The following TMEM106B variants were observed in gnomAD, a reference collection of about 807,000 sequenced individuals.
TMEM106B encodes transmembrane protein 106B.
A neutral mutation model predicts 31.1 loss-of-function variants in TMEM106B; 15 were observed. The ratio of observed to expected loss-of-function variants is 0.48; its 90% CI spans 0.32 to 0.74. The LOEUF is 0.74. Among genes scored for constraint, TMEM106B ranks in the 30% least tolerant of loss-of-function variants. The pLI is 0.03. For synonymous variants in TMEM106B, 126 were observed against 112.5 expected (o/e 1.12, Z -0.76); for missense variants, 283 against 327.3 (o/e 0.86, Z 1.04).
At chr7:12,226,243 G>A (rs1781899099) in intron 4 of TMEM106B, among the ~76,000 whole-genome samples, 1 of 152,054 alleles carries the variant, frequency 6.6e-6, no homozygotes, top group African/African-American at 2.4e-5. Flanking sequence ...CTCTGTTTTG[G>A]TACCAGTACC....
At chr7:12,212,627 T>C (rs1030461960) in intron 1 of TMEM106B, among the ~76,000 whole-genome samples, 1 of 152,170 alleles carries the variant, frequency 6.6e-6, no homozygotes, top group Non-Finnish European at 1.5e-5. Context: ...TTTTTTATCT[T>C]TGTATTTATT....
intron 3 of TMEM106B, among the ~76,000 whole-genome samples, chr7:12,223,946 C>T (rs1781842499): frequency 6.6e-6 from 1 of 152,010 alleles, no homozygotes. Context: ...GTCTCGAACT[C>T]CTGACCTCTT....
At chr7:12,218,795 C>T (rs1051952910) in intron 3 of TMEM106B, among the ~76,000 whole-genome samples, 1 of 151,908 alleles carries the variant, frequency 6.6e-6, no homozygotes, top group African/African-American at 2.4e-5. Context: ...ATAAAATTTT[C>T]ATTAAAAATT....
At chr7:12,222,517 A>G (rs1370382781) in intron 3 of TMEM106B, among the ~76,000 whole-genome samples, 1 of 152,236 alleles carries the variant, frequency 6.6e-6, no homozygotes, top group African/African-American at 2.4e-5. Context: ...CCCATAAGTA[A>G]TTAAAAATAA....
In TMEM106B at chr7:12,224,317, T is replaced by TA. The variant is rs1421174513; in HGVS notation, c.374dup (p.Tyr125Ter). 2 of 1,614,096 alleles carry TA rather than the reference T, an allele frequency of 1.2e-6. No individual in the cohort carries two copies. The highest frequency in any genetic ancestry group is 1.7e-6 in the Non-Finnish European group (2 of 1,179,968). Residue 125 changes from tyrosine (Y) to a stop codon, truncating the protein, a stop_gained and frameshift_variant, in exon 4 of 8, where the codon TAC becomes TAAC. Coordinates refer to ENST00000396668, the MANE Select transcript of TMEM106B (RefSeq NM_001134232.2). LOFTEE classifies it high-confidence loss of function. ...FLFPRSIDVKYIGVKSAYVSY... is the reference protein window; with the variant it reads ...FLFPRSIDVK The stretch of plus-strand genomic sequence containing the variant: ...TTTCCCTCGCTCTATCGACGTGAAA[T>TA]ACATTGGTGTAAAATCAGCCTATGT...
chr7:12,230,473 A>C lies in TMEM106B; in HGVS notation c.632+35A>C, dbSNP rs747696215. On this transcript the variant is annotated intron_variant, in intron 6 of 7. Coordinates refer to ENST00000396668, the MANE Select transcript of TMEM106B (RefSeq NM_001134232.2). ...GATTTATAATAACTTTTTATTGTCA[A>C]ATAATGAAGTGTATAAAATAAAGTA... is the stretch of plus-strand genomic sequence containing the variant. 2.2e-6 allele frequency: 3 copies of C among 1,335,626 alleles called. No homozygotes were observed. The African/African-American group carries it at 4.4e-5, about 20-fold the overall frequency. The allele number at this position is 1,335,626 out of a possible 1,614,324, so 82.7% of individuals were successfully genotyped here. A position where few individuals can be genotyped will look rare whatever the true frequency, so the allele number is the denominator to read the frequency against.
Position 12,229,905 on chromosome 7 carries a change from C to T in TMEM106B, c.582+86C>T, listed in dbSNP as rs1781982455. 27 of 1,403,728 alleles carry T rather than the reference C, an allele frequency of 1.9e-5. No homozygotes were observed. The South Asian group carries it at 3.6e-4, about 19-fold the overall frequency. 87.0% of individuals were successfully genotyped at this position (1,403,728 alleles called of 1,614,324 possible). ...ATAACTTGAAGGAGGTGGGGGATTT[C>T]CTCAAAAACTTGATTTAGAAATGTG... On this transcript the variant is annotated intron_variant, in intron 5 of 7. Transcript: ENST00000396668.
At chr7:12,231,805 T>G in intron 7 of TMEM106B, 32 bp from the exon 8 acceptor site, 1 of 1,554,340 alleles carries the variant, frequency 6.4e-7, no homozygotes, top group Non-Finnish European at 8.8e-7. Context: ...ATATAACTAT[T>G]AAATGTCTCT....
rs558627112 is a variant in TMEM106B at position 12,212,798 on chromosome 7, C to T, written c.-3+1373C>T. Among the ~76,000 whole-genome samples the T allele has an allele frequency of 3.9e-5, 6 of 152,238 alleles. No individual in the cohort carries two copies. In the East Asian group the frequency reaches 1.2e-3, roughly 29 times the overall value. ...CAGTTCTAGAAAGTAAAATTTTCTTCATACTCTAGGATGAACTGACTTACT... is the reference window on the plus strand; with the variant it reads ...CAGTTCTAGAAAGTAAAATTTTCTTTATACTCTAGGATGAACTGACTTACT... On this transcript the variant is annotated intron_variant, in intron 1 of 7. Coordinates refer to ENST00000396668, the MANE Select transcript of TMEM106B (RefSeq NM_001134232.2).
intron 4 of TMEM106B, among the ~76,000 whole-genome samples, chr7:12,228,177 A>G (rs1455385652): frequency 1.3e-5 from 2 of 151,916 alleles, no homozygotes; most frequent in Non-Finnish European, 2.9e-5. Context: ...ATTTGTGACT[A>G]TACCAATGTA....
At chr7:12,224,418 T>C (rs1438932289) in intron 4 of TMEM106B, 33 bp downstream of exon 4, 1 of 1,561,262 alleles carries the variant, frequency 6.4e-7, no homozygotes, top group Non-Finnish European at 8.8e-7. Context: ...AATGTTTAAC[T>C]TCATTCTTTT....
rs1782094737 is a variant in TMEM106B, at chr7:12,234,685, T to C, written c.*2710T>C. On this transcript the variant is annotated 3_prime_UTR_variant, in exon 8 of 8. Transcript: ENST00000396668. ...TAAAGATATGTTACAGAAATTTTTC[T>C]GATACTTCCTGGAATAACTTTAAGT... The C allele has an allele frequency of 2.0e-5, 3 of 151,948 alleles. No homozygotes were observed. Among genetic ancestry groups the C allele is most frequent in the African/African-American group, 7.2e-5 (3 of 41,426 alleles). The allele number at this position is 151,948 out of a possible 1,614,324, so 9.4% of individuals were successfully genotyped here. A position where few individuals can be genotyped will look rare whatever the true frequency, so the allele number is the denominator to read the frequency against.
Position 12,224,154 on chromosome 7 carries a change from C to T in TMEM106B, c.282-72C>T, listed in dbSNP as rs1781846788. 7 of 1,407,402 alleles carry T rather than the reference C, an allele frequency of 5.0e-6. No homozygotes were observed. The African/African-American group carries it at 1.0e-4, about 20-fold the overall frequency. 87.2% of individuals were successfully genotyped at this position (1,407,402 alleles called of 1,614,324 possible). A position where few individuals can be genotyped will look rare whatever the true frequency, so the allele number is the denominator to read the frequency against. ...CTGCTGATATATGGGGGAAATTGAA[C>T]ATACCTTCTCTAATGTTGTGTTATA... is the stretch of plus-strand genomic sequence containing the variant. On this transcript the variant is annotated intron_variant, in intron 3 of 7. Coordinates refer to ENST00000396668, the MANE Select transcript of TMEM106B (RefSeq NM_001134232.2).
At position 12,211,314 on chromosome 7, in the gene TMEM106B, C is replaced by T. The variant is rs959759408; in HGVS notation, c.-114C>T. On this transcript the variant is annotated 5_prime_UTR_variant, in exon 1 of 8. Coordinates refer to ENST00000396668, the MANE Select transcript of TMEM106B (RefSeq NM_001134232.2). ...GTCCCAGCTCTACGGCGGCCGCGCGCTCCAGGCCGGTCGCTCCACCCCCCG... is the reference window on the plus strand; with the variant it reads ...GTCCCAGCTCTACGGCGGCCGCGCGTTCCAGGCCGGTCGCTCCACCCCCCG... 1 of 152,554 alleles carries T rather than the reference C, an allele frequency of 6.6e-6. No homozygotes were observed. The highest frequency in any genetic ancestry group is 2.4e-5 in the African/African-American group (1 of 41,480). The allele number at this position is 152,554 out of a possible 1,614,324, so 9.5% of individuals were successfully genotyped here.
Position 12,230,375 on chromosome 7 carries a change from C to T in TMEM106B, c.583-14C>T, listed in dbSNP as rs374151535. 3.0e-5 allele frequency: 48 copies of T among 1,589,170 alleles called. No individual in the cohort carries two copies. In the African/African-American group the frequency reaches 5.7e-4, roughly 19 times the overall value. ...GATCTTGTTCTCTATCGAATTTCTCCTTTTGCCTTTCAGATTGATTACACA... is the reference window on the plus strand; with the variant it reads ...GATCTTGTTCTCTATCGAATTTCTCTTTTTGCCTTTCAGATTGATTACACA... On this transcript the variant is annotated splice_polypyrimidine_tract_variant and intron_variant, in intron 5 of 7. Coordinates refer to ENST00000396668, the MANE Select transcript of TMEM106B (RefSeq NM_001134232.2).
chr7:12,222,860 A>G (rs562896759), intron 3 of TMEM106B, among the ~76,000 whole-genome samples: 2 of 152,370 alleles, frequency 1.3e-5, no homozygotes, highest in African/African-American at 2.4e-5. Flanking sequence ...AAATATTTAT[A>G]AAATATCTGC....
chr7:12,222,719 GT>G (rs1781812042), intron 3 of TMEM106B, among the ~76,000 whole-genome samples: 1 of 152,212 alleles, frequency 6.6e-6, no homozygotes. Flanking sequence ...AGTGGGAACT[GT>G]TTTGATTGCT....
At chr7:12,214,489 C>G in intron 1 of TMEM106B, 1 of 229,618 alleles carries the variant, frequency 4.4e-6, no homozygotes, top group East Asian at 9.7e-5. Context: ...TCCACCCCTG[C>G]TTCAAAATGT....
Position 12,224,290 on chromosome 7 carries a change from C to G in TMEM106B, c.346C>G (p.Leu116Val), listed in dbSNP as rs1290092339. Residue 116 changes from leucine to valine, a missense_variant, in exon 4 of 8, where the codon CTT becomes GTT. Leu to Val is a conservative substitution (Grantham distance 32, BLOSUM62 1). Coordinates refer to ENST00000396668, the MANE Select transcript of TMEM106B (RefSeq NM_001134232.2). ...LLLSGLAVFF[L>V]FPRSIDVKYI... is the part of the protein sequence containing the mutation. Reference sequence around the variant, plus strand: ...CCTTTCTGGATTGGCTGTGTTTTTCCTTTTCCCTCGCTCTATCGACGTGAA... The same window carrying G: ...CCTTTCTGGATTGGCTGTGTTTTTCGTTTTCCCTCGCTCTATCGACGTGAA... 3.1e-6 allele frequency: 5 copies of G among 1,613,828 alleles called. No individual in the cohort carries two copies. Among genetic ancestry groups the G allele is most frequent in the Non-Finnish European group, 4.2e-6 (5 of 1,179,922 alleles).
Sources: allele counts gnomAD v4.1 joint callset (sites outside exome capture counted in the v4.1 genomes callset), GRCh38; gene constraint gnomAD v4.1.1; transcripts MANE v1.5; gene names NCBI Gene and HGNC (gene_info 2026-07-23, HGNC 2026-07-21).